Variants in IL7 observed in about 807,000 individuals in gnomAD.
The protein encoded by IL7 is interleukin-7.
A neutral mutation model predicts 21.6 loss-of-function variants in IL7; 3 were observed. The ratio of observed to expected loss-of-function variants is 0.14; its 90% confidence interval spans 0.06 to 0.36. The LOEUF (loss-of-function observed/expected upper bound fraction) is 0.36, where lower values mean the gene tolerates loss of function less well. Ranked by LOEUF, IL7 falls within the 10% of genes least tolerant of loss-of-function variation. IL7 has a pLI of 1.00. For synonymous variants in IL7, 62 were observed against 68.1 expected (o/e 0.91, Z 0.44); for missense variants, 175 against 200.2 (o/e 0.87, Z 0.76).
At chr8:78,720,005 A>C (rs1811207781) in intron 5 of IL7, among the ~76,000 whole-genome samples, 1 of 151,862 alleles carries the variant, frequency 6.6e-6, no homozygotes, top group African/African-American at 2.4e-5. Context: ...CATTATCTTC[A>C]TAGACTATTT....
chr8:78,734,212 TCA>T (rs1396678282), intron 5 of IL7, among the ~76,000 whole-genome samples: 4 of 152,186 alleles, frequency 2.6e-5, no homozygotes, highest in African/African-American at 9.6e-5. Context: ...TTGAAAATAC[TCA>T]GATTATTTTG....
intron 2 of IL7, among the ~76,000 whole-genome samples, chr8:78,771,584 T>C (rs1156972388): frequency 6.6e-6 from 1 of 151,988 alleles, no homozygotes; most frequent in African/African-American, 2.4e-5. Flanking sequence ...TGCAAAGAAA[T>C]TAAGTTGAAA....
At chr8:78,711,128 C>A (rs1810937432) in intron 3 of IL7, among the ~76,000 whole-genome samples, 1 of 152,104 alleles carries the variant, frequency 6.6e-6, no homozygotes, top group East Asian at 1.9e-4. Context: ...GAGCAAATAT[C>A]TCTTAAAAAG....
At chr8:78,733,931 G>C in intron 5 of IL7, 99 bp from the exon 6 acceptor site, 1 of 805,932 alleles carries the variant, frequency 1.2e-6, no homozygotes, top group Non-Finnish European at 1.7e-6. Flanking sequence ...CTGAAAAACT[G>C]GTGCAATGAA....
At chr8:78,679,485 T>G (rs1809692432) in intron 4 of IL7, 1 of 152,176 alleles carries the variant, frequency 6.6e-6, no homozygotes, top group South Asian at 2.1e-4. Context: ...TACTTTTTAT[T>G]GTTATATGGT....
chr8:78,718,452 TGTG>T (rs1811172108), intron 6 of IL7: 1 of 151,962 alleles, frequency 6.6e-6, no homozygotes, highest in Non-Finnish European at 1.5e-5. Context: ...TCATAATAGT[TGTG>T]GTAACTAATC....
intron 2 of IL7, chr8:78,746,968 G>A (rs887160961): frequency 6.8e-6 from 3 of 440,458 alleles, no homozygotes; most frequent in African/African-American, 4.1e-5. Flanking sequence ...AGGAGAGAAA[G>A]TCAATATGGT....
chr8:78,787,654 A>G (rs1813556552), intron 2 of IL7, among the ~76,000 whole-genome samples: 1 of 152,026 alleles, frequency 6.6e-6, no homozygotes, highest in Non-Finnish European at 1.5e-5. Context: ...CCCAACTGAG[A>G]AAGAGGTGTT....
At chr8:78,793,226 T>C (rs1008799847) in intron 2 of IL7, among the ~76,000 whole-genome samples, 10 of 152,180 alleles carry the variant, frequency 6.6e-5, no homozygotes, top group Non-Finnish European at 1.3e-4. Flanking sequence ...GAATAGTGGC[T>C]GCCAGAGGCT....
intron 2 of IL7, among the ~76,000 whole-genome samples, chr8:78,791,514 C>T (rs1483635684): frequency 6.6e-6 from 1 of 152,066 alleles, no homozygotes; most frequent in Non-Finnish European, 1.5e-5. Context: ...GTGGCACATG[C>T]CTGTAATCCT....
intron 2 of IL7, among the ~76,000 whole-genome samples, chr8:78,779,599 G>A (rs1273085936): frequency 6.6e-6 from 1 of 152,146 alleles, no homozygotes; most frequent in Non-Finnish European, 1.5e-5. Flanking sequence ...ACTTGATCAT[G>A]GTGGATAAGC....
At position 78,699,514 on chromosome 8, in the gene IL7, A is replaced by G. The variant is rs144865911; in HGVS notation, n.215-13567T>C. On this transcript the variant is annotated intron_variant and non_coding_transcript_variant, in intron 3 of 4. Coordinates refer to the IL7 transcript ENST00000523959. ...AGGGATACAAGTGCAGGTTTGTTAC[A>G]TAGGTAAACTTGTGTCATAGGGAGT... is the stretch of plus-strand genomic sequence containing the variant. 3.5e-3 allele frequency among the ~76,000 whole-genome samples: 534 copies of G among 152,190 alleles called. 4 individuals carry two copies. Among genetic ancestry groups the G allele is most frequent in the African/African-American group, 0.01 (425 of 41,518 alleles).
At chr8:78,693,319 A>C (rs948020552) in intron 3 of IL7, among the ~76,000 whole-genome samples, 2 of 151,234 alleles carry the variant, frequency 1.3e-5, no homozygotes, top group African/African-American at 4.8e-5. Context: ...TGACTTCCAC[A>C]ATGGTTGAAC....
At chr8:78,693,173 A>G (rs1407206322) in intron 3 of IL7, among the ~76,000 whole-genome samples, 1 of 152,122 alleles carries the variant, frequency 6.6e-6, no homozygotes, top group Non-Finnish European at 1.5e-5. Flanking sequence ...GCTATTGTGA[A>G]TAGTGCCGCA....
chr8:78,721,924 A>C (rs898411762), intron 3 of IL7, among the ~76,000 whole-genome samples: 1 of 152,004 alleles, frequency 6.6e-6, no homozygotes, highest in African/African-American at 2.4e-5. Context: ...TGGCCATTAA[A>C]TCAATTTTAA....
At chr8:78,803,016 G>GA (rs969101038) in intron 1 of IL7, among the ~76,000 whole-genome samples, 5 of 151,810 alleles carry the variant, frequency 3.3e-5, no homozygotes, top group African/African-American at 4.8e-5. Context: ...GTTAAAAGCA[G>GA]AAAAAAAAGT....
intron 4 of IL7, among the ~76,000 whole-genome samples, chr8:78,680,408 A>G (rs1563622584): frequency 1.3e-5 from 2 of 151,962 alleles, no homozygotes; most frequent in African/African-American, 2.4e-5. Context: ...CAGTATTTGG[A>G]AACTTGTTAG....
chr8:78,788,534 C>A (rs1195987309), intron 2 of IL7, among the ~76,000 whole-genome samples: 1 of 152,036 alleles, frequency 6.6e-6, no homozygotes, highest in Non-Finnish European at 1.5e-5. Context: ...AATTTTCCAC[C>A]TATTTTTCTT....
chr8:78,778,942 C>T (rs1316193666), intron 2 of IL7, among the ~76,000 whole-genome samples: 1 of 151,962 alleles, frequency 6.6e-6, no homozygotes, highest in East Asian at 1.9e-4. Context: ...TGTATTTCTC[C>T]CTGAGAGGTC....
Sources: gnomAD v4.1 joint callset for allele counts (sites outside exome capture counted in the v4.1 genomes callset) on GRCh38, gnomAD v4.1.1 for gene constraint, MANE v1.5 for transcripts, NCBI Gene and HGNC (gene_info 2026-07-23, HGNC 2026-07-21) for gene names.